FUT8: variants seen among roughly 807,000 people sequenced by gnomAD.
FUT8 encodes fucosyltransferase 8, also known as alpha-(1,6)-fucosyltransferase.
FUT8 carries 29 observed loss-of-function variants against 71.3 expected under a neutral mutation model. That is an observed-to-expected ratio of 0.41 (90% CI 0.30 to 0.55). The LOEUF (loss-of-function observed/expected upper bound fraction) is 0.55, where lower values mean the gene tolerates loss of function less well. FUT8 is among the 20% of genes least tolerant of loss of function. The probability of loss-of-function intolerance (pLI) is 0.34; values close to 1 mark genes in which losing one functional copy is unlikely to be tolerated. For missense variants in FUT8, 544 were observed against 702.1 expected (o/e 0.77, Z 2.55); for synonymous variants, 254 against 239.3 (o/e 1.06, Z -0.57).
At chr14:65,511,440 T>C (rs1488690759) in intron 2 of FUT8, among the ~76,000 whole-genome samples, 1 of 152,132 alleles carries the variant, frequency 6.6e-6, no homozygotes, top group African/African-American at 2.4e-5. Flanking sequence ...TTGGTCTATT[T>C]CTTTGTTGAT....
chr14:65,545,262 A>G (rs927675901), intron 2 of FUT8, among the ~76,000 whole-genome samples: 1 of 152,090 alleles, frequency 6.6e-6, no homozygotes, highest in African/African-American at 2.4e-5. Flanking sequence ...ATATTTAGTT[A>G]AAAAATGAAT....
chr14:65,428,341 G>T (rs1286708840), intron 1 of FUT8, among the ~76,000 whole-genome samples: 1 of 152,100 alleles, frequency 6.6e-6, no homozygotes, highest in Non-Finnish European at 1.5e-5. Context: ...GTTTTAAGAG[G>T]TGGGGCCTTT....
At chr14:65,623,388 AC>A (rs1476354303) in intron 5 of FUT8, among the ~76,000 whole-genome samples, 1 of 152,128 alleles carries the variant, frequency 6.6e-6, no homozygotes, top group Admixed American at 6.5e-5. Context: ...AGGTTTTAAT[AC>A]CTGTCATAGG....
At chr14:65,497,627 A>C (rs2066579417) in intron 2 of FUT8, among the ~76,000 whole-genome samples, 1 of 152,046 alleles carries the variant, frequency 6.6e-6, no homozygotes, top group Non-Finnish European at 1.5e-5. Flanking sequence ...GTTTACATAT[A>C]TGTGATTTTT....
chr14:65,553,440 T>C (rs958913294), intron 2 of FUT8, among the ~76,000 whole-genome samples: 3 of 152,164 alleles, frequency 2.0e-5, no homozygotes, highest in African/African-American at 7.2e-5. Flanking sequence ...GCTTTTTATC[T>C]TTTAATGTGG....
chr14:65,692,487 G>A (rs1297545285), intron 7 of FUT8, among the ~76,000 whole-genome samples: 1 of 95,350 alleles, frequency 1.0e-5, no homozygotes, highest in Non-Finnish European at 2.4e-5. Context: ...CAGACGGGGC[G>A]GCTGGCCGGG....
At chr14:65,433,916 A>C (rs1010217535) in intron 1 of FUT8, among the ~76,000 whole-genome samples, 2 of 151,992 alleles carry the variant, frequency 1.3e-5, no homozygotes, top group African/African-American at 2.4e-5. Context: ...CTCCTGCTTC[A>C]GCCTCCTCAG....
At chr14:65,510,464 C>T (rs12879202) in intron 2 of FUT8, among the ~76,000 whole-genome samples, 52,639 of 151,884 alleles carry the variant, frequency 0.35, 11,388 homozygotes, top group Non-Finnish European at 0.48. Flanking sequence ...GGAAGTATTC[C>T]CCCTCCTCTA....
At position 65,489,461 on chromosome 14, in the gene FUT8, G is replaced by A. The variant is rs1336470275; in HGVS notation, c.-228+33743G>A. ...TTTTATAGGAATCTCTGCTATCCAG[G>A]GATAAAACATAACATGCAATTAAAA... On this transcript the variant is annotated intron_variant, in intron 2 of 10. Transcript: ENST00000673929. The surrounding 1 kb of genome is among the most constrained non-coding windows in gnomAD (Gnocchi z 4.0). Among the ~76,000 whole-genome samples the A allele has an allele frequency of 2.0e-5, 3 of 151,532 alleles. No homozygotes were observed. The highest frequency in any genetic ancestry group is 7.3e-5 in the African/African-American group (3 of 41,232).
intron 2 of FUT8, among the ~76,000 whole-genome samples, chr14:65,507,282 G>A (rs867962416): frequency 1.3e-5 from 2 of 152,084 alleles, no homozygotes; most frequent in Non-Finnish European, 2.9e-5. Flanking sequence ...GCAAACTCTC[G>A]GCCTTCCAAG....
intron 2 of FUT8, chr14:65,468,085 A>G (rs2139615876): frequency 1.6e-6 from 1 of 638,264 alleles, no homozygotes. Context: ...CAATACCAAC[A>G]GCATGCTGAG....
rs1034194054 is a variant in FUT8, at chr14:65,603,107, A to G, written c.204-12871A>G. On this transcript the variant is annotated intron_variant, in intron 3 of 10. Coordinates refer to ENST00000673929, the MANE Select transcript of FUT8 (RefSeq NM_001371533.1). The surrounding 1 kb of genome is among the most constrained non-coding windows in gnomAD (Gnocchi z 4.5). ...GATGTTATTTTCTAGATTTTTTTAT[A>G]GTTTCAGGTCTTAGATTTAAGTCCT... Among the ~76,000 whole-genome samples the G allele has an allele frequency of 2.0e-5, 3 of 151,870 alleles. No individual in the cohort carries two copies. The highest frequency in any genetic ancestry group is 2.0e-4 in the Admixed American group (3 of 15,206).
rs1893847772 is a variant in FUT8, at chr14:65,693,946, A to G, written c.835+24466A>G. Among the ~76,000 whole-genome samples, 5 of 152,262 alleles carry G rather than the reference A, an allele frequency of 3.3e-5. No individual in the cohort carries two copies. In the South Asian group the frequency reaches 1.0e-3, roughly 32 times the overall value. On this transcript the variant is annotated intron_variant, in intron 7 of 10. Coordinates refer to ENST00000673929, the MANE Select transcript of FUT8 (RefSeq NM_001371533.1). The stretch of plus-strand genomic sequence containing the variant: ...TTGGATCTTTCAAAGAATTGGTTCA[A>G]TTCATGTTAGCTATCAAATTTGTGG...
intron 2 of FUT8, among the ~76,000 whole-genome samples, chr14:65,459,342 A>G (rs2065939897): frequency 6.6e-6 from 1 of 152,206 alleles, no homozygotes; most frequent in African/African-American, 2.4e-5. Flanking sequence ...ATATGCTTTA[A>G]TTCACATAAA....
intron 1 of FUT8, among the ~76,000 whole-genome samples, chr14:65,446,666 G>C (rs1309997767): frequency 2.4e-5 from 3 of 126,094 alleles, no homozygotes; most frequent in Non-Finnish European, 4.8e-5. Context: ...AACCTGTGAA[G>C]ATGTTTTAGG....
At chr14:65,367,394 A>C in the FUT8 span, among the ~76,000 whole-genome samples, 1 of 152,200 alleles carries the variant, frequency 6.6e-6, no homozygotes, top group African/African-American at 2.4e-5. Context: ...TGTGAAGTCT[A>C]GCAGGGCAGG....
chr14:65,359,032 C>G, the FUT8 span, among the ~76,000 whole-genome samples: 1 of 152,186 alleles, frequency 6.6e-6, no homozygotes. Flanking sequence ...CATATTCACA[C>G]TTTTTCAGTT....
At chr14:65,362,181 A>G in the FUT8 span, among the ~76,000 whole-genome samples, 1 of 152,182 alleles carries the variant, frequency 6.6e-6, no homozygotes, top group Non-Finnish European at 1.5e-5. Context: ...TTTACAATCT[A>G]TGATTTAGCT....
intron 2 of FUT8, chr14:65,488,469 T>C (rs1285831533): frequency 3.3e-5 from 5 of 152,248 alleles, no homozygotes; most frequent in Admixed American, 6.5e-5. Context: ...ACCTTTTTAA[T>C]GCACTACTGG....
Sources: gnomAD v4.1 joint callset for allele counts (sites outside exome capture counted in the v4.1 genomes callset) on GRCh38, gnomAD v4.1.1 for gene constraint, Gnocchi (gnomAD v3.1) non-coding constraint, MANE v1.5 for transcripts, NCBI Gene and HGNC (gene_info 2026-07-23, HGNC 2026-07-21) for gene names.